Variants in FHOD3 observed in about 807,000 individuals in gnomAD.
FHOD3 encodes the protein formin homology 2 domain containing 3.
In FHOD3, 90 loss-of-function variants were observed where a neutral mutation model predicts 173.0. The ratio of observed to expected loss-of-function variants is 0.52; its 90% CI spans 0.44 to 0.62. FHOD3 has a LOEUF of 0.62. FHOD3 is among the 20% of genes least tolerant of loss of function. The pLI is 0.00. For synonymous variants in FHOD3, 828 were observed against 823.0 expected, an observed-to-expected ratio of 1.01 and a Z score of -0.10; for missense variants, 1,945 against 2,034.7, an observed-to-expected ratio of 0.96 and a Z score of 0.85.
intron 27 of FHOD3, 104 bp downstream of exon 27, chr18:36,760,886 C>T (rs1244348950): frequency 3.3e-5 from 42 of 1,255,692 alleles, no homozygotes; most frequent in Admixed American, 5.2e-5. Flanking sequence ...GACTGGCCCT[C>T]GGCTCCAGTG....
intron 14 of FHOD3, among the ~76,000 whole-genome samples, chr18:36,663,940 C>T (rs901253380): frequency 1.3e-5 from 2 of 152,162 alleles, no homozygotes; most frequent in African/African-American, 4.8e-5. Context: ...TCATTTCCTT[C>T]CCTGACCTCA....
intron 1 of FHOD3, among the ~76,000 whole-genome samples, chr18:36,317,910 A>G (rs139013381): frequency 0.03 from 4,517 of 152,216 alleles, 221 homozygotes; most frequent in African/African-American, 0.1. Flanking sequence ...TGTATAAGGT[A>G]TAAGGAAGGG....
intron 1 of FHOD3, among the ~76,000 whole-genome samples, chr18:36,313,468 C>G (rs1320702163): frequency 1.3e-5 from 2 of 152,158 alleles, no homozygotes; most frequent in Admixed American, 1.3e-4. Flanking sequence ...GGCCACTGAT[C>G]TGTTTTCTTT....
rs1418736009 is a variant in FHOD3, at chr18:36,637,262, A to T, written c.1196+11513A>T. Among the ~76,000 whole-genome samples, 6 of 152,294 alleles carry T rather than the reference A, an allele frequency of 3.9e-5. 1 individual carries two copies. The South Asian group carries it at 1.2e-3, about 32-fold the overall frequency. The stretch of plus-strand genomic sequence containing the variant: ...TCTGGGACTAAAGGAACAAAATCAT[A>T]TTCATTTGTTCATCTAACTCCTATT... On this transcript the variant is annotated intron_variant, in intron 10 of 28. Transcript: ENST00000590592.
intron 20 of FHOD3, among the ~76,000 whole-genome samples, chr18:36,732,846 G>A (rs1053487346): frequency 6.6e-5 from 10 of 152,180 alleles, no homozygotes; most frequent in Non-Finnish European, 5.9e-5. Flanking sequence ...AGTGCAAAGC[G>A]TGTCCCCGCA....
Position 36,746,802 on chromosome 18 carries a change from AT to A in FHOD3, c.4042-138del, listed in dbSNP as rs1465081967. On this transcript the variant is annotated intron_variant, in intron 23 of 28. Transcript: ENST00000590592. Reference sequence around the variant, plus strand: ...ATAATGACAGATACACATGTGAATAATTTTTAGGCTGTAAATATGTTTGCAT... The same window carrying A: ...ATAATGACAGATACACATGTGAATAATTTTAGGCTGTAAATATGTTTGCAT... 8.7e-6 allele frequency: 5 copies of A among 573,750 alleles called. 1 individual carries two copies. In the East Asian group the frequency reaches 1.5e-4, roughly 17 times the overall value. 35.5% of individuals were successfully genotyped at this position (573,750 alleles called of 1,614,324 possible).
chr18:36,349,451 T>TG (rs2046017324), intron 1 of FHOD3, among the ~76,000 whole-genome samples: 1 of 152,220 alleles, frequency 6.6e-6, no homozygotes, highest in Non-Finnish European at 1.5e-5. Flanking sequence ...CATAAGCACT[T>TG]GCGCTTTCCA....
chr18:36,730,597 G>C, intron 19 of FHOD3, 49 bp from the exon 20 acceptor site: 1 of 1,573,914 alleles, frequency 6.4e-7, no homozygotes, highest in Non-Finnish European at 8.6e-7. Flanking sequence ...AATGCAGAAA[G>C]GACCCAAGAT....
chr18:36,414,747 G>C (rs757481320), intron 3 of FHOD3, among the ~76,000 whole-genome samples: 5 of 152,200 alleles, frequency 3.3e-5, no homozygotes, highest in African/African-American at 7.2e-5. Context: ...TGGGTAGGAC[G>C]TTTCAGGAGT....
At position 36,718,519 on chromosome 18, in the gene FHOD3, G is replaced by A. The variant is rs1237353787; in HGVS notation, c.3221G>A (p.Arg1074Lys). The change falls in exon 19 of 29, where the codon AGG becomes AAG. Residue 1074 changes from arginine (R) to lysine (K), a missense_variant. Physicochemically the swap from Arg to Lys is conservative, Grantham distance 26. Transcript: ENST00000590592. ...PQGLGWSQVP[R>K]GQPTFTKKKK... ...GGCTTAGGGTGGTCCCAGGTACCCA[G>A]GGGTCAGCCCACATTCACTAAGAAA... 1.1e-5 allele frequency: 18 copies of A among 1,614,022 alleles called. No individual in the cohort carries two copies. Among genetic ancestry groups the A allele is most frequent in the Non-Finnish European group, 1.5e-5 (18 of 1,180,010 alleles).
intron 3 of FHOD3, among the ~76,000 whole-genome samples, chr18:36,375,439 A>G (rs567075370): frequency 6.6e-6 from 1 of 152,352 alleles, no homozygotes; most frequent in East Asian, 1.9e-4. Context: ...GGAAGGATCC[A>G]GGACCAGGGT....
At chr18:36,533,425 G>T (rs2056868434) in intron 5 of FHOD3, among the ~76,000 whole-genome samples, 1 of 152,236 alleles carries the variant, frequency 6.6e-6, no homozygotes, top group African/African-American at 2.4e-5. Flanking sequence ...TCCTGAGCGT[G>T]TGCTCTTCAA....
At chr18:36,585,367 C>T (rs1259471029) in intron 6 of FHOD3, among the ~76,000 whole-genome samples, 1 of 152,122 alleles carries the variant, frequency 6.6e-6, no homozygotes, top group Non-Finnish European at 1.5e-5. Context: ...TTCTACCGGC[C>T]ACTTGGCTGT....
intron 27 of FHOD3, among the ~76,000 whole-genome samples, chr18:36,763,188 T>G (rs921206414): frequency 6.7e-5 from 10 of 148,288 alleles, no homozygotes; most frequent in African/African-American, 2.4e-4. Flanking sequence ...ACGCTATATA[T>G]GTGTATTATA....
At chr18:36,390,407 G>A (rs1302848861) in intron 3 of FHOD3, among the ~76,000 whole-genome samples, 1 of 152,136 alleles carries the variant, frequency 6.6e-6, no homozygotes, top group Admixed American at 6.5e-5. Context: ...AAAATAAAAT[G>A]TGACTCTGTT....
chr18:36,447,578 C>CT (rs1568283504), intron 3 of FHOD3, among the ~76,000 whole-genome samples: 1 of 152,188 alleles, frequency 6.6e-6, no homozygotes, highest in Non-Finnish European at 1.5e-5. Flanking sequence ...ATGGGTTTCT[C>CT]TTCACCTTAA....
chr18:36,758,992 T>A (rs1370591237), intron 25 of FHOD3, 126 bp from the exon 26 acceptor site: 4 of 1,013,116 alleles, frequency 3.9e-6, no homozygotes, highest in Non-Finnish European at 4.5e-6. Flanking sequence ...TGTATCCTGG[T>A]TGTGGTGACC....
chr18:36,772,607 T>C (rs1393408909), intron 28 of FHOD3, among the ~76,000 whole-genome samples: 2 of 152,240 alleles, frequency 1.3e-5, no homozygotes, highest in Non-Finnish European at 2.9e-5. Flanking sequence ...TCTGCTTTCA[T>C]GTTTGATGCT....
intron 9 of FHOD3, among the ~76,000 whole-genome samples, chr18:36,624,678 T>C (rs2033964307): frequency 1.2e-5 from 1 of 85,456 alleles, no homozygotes; most frequent in Non-Finnish European, 2.7e-5. Context: ...GCTAAAAATA[T>C]CCCTTGGAGA....
Sources: gnomAD v4.1 joint callset for allele counts (sites outside exome capture counted in the v4.1 genomes callset) on GRCh38, gnomAD v4.1.1 for gene constraint, MANE v1.5 for transcripts, NCBI Gene and HGNC (gene_info 2026-07-23, HGNC 2026-07-21) for gene names.